The following PHF21A variants were observed in gnomAD, a reference collection of about 807,000 sequenced individuals.
The protein encoded by PHF21A is PHD finger protein 21A.
Under a neutral mutation model 82.5 loss-of-function variants are expected in PHF21A, and 11 were observed. That is an observed-to-expected ratio of 0.13 (90% confidence interval 0.08 to 0.22). The LOEUF is 0.22. Among genes scored for constraint, PHF21A ranks in the 10% least tolerant of loss-of-function variants. The probability of loss-of-function intolerance (pLI) is 1.00; values close to 1 mark genes in which losing one functional copy is unlikely to be tolerated. For missense variants in PHF21A, 579 were observed against 837.8 expected, an observed-to-expected ratio of 0.69 and a Z score of 3.81; for synonymous variants, 297 against 302.8, an observed-to-expected ratio of 0.98 and a Z score of 0.20.
intron 6 of PHF21A, among the ~76,000 whole-genome samples, chr11:45,984,512 G>A (rs145738714): frequency 1.5e-3 from 230 of 152,310 alleles, no homozygotes; most frequent in Middle Eastern, 3.4e-3. Context: ...TACTATCAAC[G>A]TGTTCACACG....
At chr11:45,953,979 G>A (rs2092406642) in intron 10 of PHF21A, among the ~76,000 whole-genome samples, 1 of 152,154 alleles carries the variant, frequency 6.6e-6, no homozygotes, top group African/African-American at 2.4e-5. Context: ...TTGCCCAGAA[G>A]CAAGCCTGCT....
At chr11:46,076,708 T>G (rs2096729878) in intron 6 of PHF21A, 46 bp downstream of exon 6, 1 of 1,490,346 alleles carries the variant, frequency 6.7e-7, no homozygotes. Flanking sequence ...AGACATATCT[T>G]TAGAACACAA....
chr11:46,007,212 G>A (rs1260184043), intron 6 of PHF21A, among the ~76,000 whole-genome samples: 1 of 152,172 alleles, frequency 6.6e-6, no homozygotes, highest in East Asian at 1.9e-4. Flanking sequence ...GGTTCTAAGA[G>A]ATGAGAAAAG....
chr11:45,987,166 A>C (rs2094518351), intron 6 of PHF21A, among the ~76,000 whole-genome samples: 1 of 152,030 alleles, frequency 6.6e-6, no homozygotes, highest in African/African-American at 2.4e-5. Flanking sequence ...AGATCCCTTA[A>C]GCCCAGCAGT....
intron 6 of PHF21A, among the ~76,000 whole-genome samples, chr11:46,036,400 T>G (rs2096004577): frequency 6.6e-6 from 1 of 152,218 alleles, no homozygotes; most frequent in African/African-American, 2.4e-5. Context: ...TTTCAAAGTT[T>G]CCTTGGCTAC....
intron 6 of PHF21A, among the ~76,000 whole-genome samples, chr11:46,016,957 A>G (rs961434922): frequency 5.6e-5 from 8 of 143,526 alleles, no homozygotes; most frequent in African/African-American, 2.2e-4. Context: ...TCTTACTAAA[A>G]ATGTTTAACC....
At chr11:46,022,741 A>G (rs2095655521) in intron 6 of PHF21A, among the ~76,000 whole-genome samples, 2 of 151,940 alleles carry the variant, frequency 1.3e-5, no homozygotes. Context: ...AGCAGTAGGG[A>G]TTACAGGCAT....
chr11:46,044,612 G>A (rs534315576), intron 6 of PHF21A, among the ~76,000 whole-genome samples: 7 of 152,196 alleles, frequency 4.6e-5, no homozygotes, highest in East Asian at 1.9e-4. Flanking sequence ...CTTCTGCAAC[G>A]GTTATCCAAA....
intron 6 of PHF21A, among the ~76,000 whole-genome samples, chr11:46,069,267 G>C (rs1164006588): frequency 2.0e-5 from 3 of 152,162 alleles, no homozygotes; most frequent in Admixed American, 2.0e-4. Flanking sequence ...GTCCTCTGAT[G>C]TACACAAGTG....
At chr11:45,948,848 G>C (rs752035023) in intron 14 of PHF21A, 38 bp downstream of exon 14, 23 of 1,516,476 alleles carry the variant, frequency 1.5e-5, no homozygotes, top group African/African-American at 2.7e-5. Flanking sequence ...CAAAGCAAAA[G>C]CAACAGCAGC....
intron 14 of PHF21A, 82 bp downstream of exon 14, chr11:45,948,804 T>C (rs1004506369): frequency 6.1e-5 from 58 of 951,772 alleles, no homozygotes; most frequent in Non-Finnish European, 9.6e-5. Context: ...GGTCCTATAA[T>C]GATGGGAGGA....
chr11:45,948,514 A>G (rs767771602), intron 14 of PHF21A, among the ~76,000 whole-genome samples: 7 of 152,236 alleles, frequency 4.6e-5, no homozygotes, highest in Non-Finnish European at 1.0e-4. Context: ...CCAAGACGCT[A>G]TTAGGAACAC....
chr11:46,065,050 TAGAGG>T (rs2096578310), intron 6 of PHF21A, among the ~76,000 whole-genome samples: 1 of 152,196 alleles, frequency 6.6e-6, no homozygotes, highest in Non-Finnish European at 1.5e-5. Context: ...TTTACATTAG[TAGAGG>T]AAAGTGTTAT....
intron 1 of PHF21A, among the ~76,000 whole-genome samples, chr11:46,095,245 A>G (rs1202658126): frequency 1.3e-5 from 2 of 152,224 alleles, no homozygotes; most frequent in Non-Finnish European, 2.9e-5. Context: ...AGCAAAAAGC[A>G]AGATCTATAC....
At chr11:46,038,128 C>CT (rs369035329) in intron 6 of PHF21A, among the ~76,000 whole-genome samples, 397 of 145,858 alleles carry the variant, frequency 2.7e-3, no homozygotes, top group Middle Eastern at 7.1e-3. Context: ...CTCTCTCTCT[C>CT]TTTTTTTTTT....
intron 7 of PHF21A, among the ~76,000 whole-genome samples, chr11:45,976,034 G>A (rs142275648): frequency 3.0e-4 from 45 of 152,010 alleles, no homozygotes; most frequent in African/African-American, 1.1e-3. Context: ...ACTTCCCTAT[G>A]ACTGTTAAAA....
chr11:45,934,470 G>C (rs1266254291), intron 18 of PHF21A: 2 of 508,040 alleles, frequency 3.9e-6, no homozygotes, highest in Non-Finnish European at 7.0e-6. Context: ...AAGAGCATGC[G>C]GGCACCAACA....
chr11:46,038,310 T>G (rs573805648), intron 6 of PHF21A, among the ~76,000 whole-genome samples: 2 of 152,128 alleles, frequency 1.3e-5, no homozygotes, highest in Non-Finnish European at 2.9e-5. Flanking sequence ...GTATTTTTAG[T>G]AGATACGGGG....
rs994422659 is a variant in PHF21A at position 45,930,793 on chromosome 11, A to G, written c.*3175T>C. 1 of 152,474 alleles carries G rather than the reference A, an allele frequency of 6.6e-6. No individual in the cohort carries two copies. The highest frequency in any genetic ancestry group is 6.5e-5 in the Admixed American group (1 of 15,300). The allele number at this position is 152,474 out of a possible 1,614,324, so 9.4% of individuals were successfully genotyped here. Reference sequence around the variant, plus strand: ...AGCTGGTCTCAAAAGTGGCTGTCAGAGCAGCTAAATTCTGGGCCGTGGGGA... The same window carrying G: ...AGCTGGTCTCAAAAGTGGCTGTCAGGGCAGCTAAATTCTGGGCCGTGGGGA... On this transcript the variant is annotated 3_prime_UTR_variant, in exon 19 of 19. Coordinates refer to ENST00000676320, the MANE Select transcript of PHF21A (RefSeq NM_001352027.3).
Sources: gnomAD v4.1 joint callset for allele counts (sites outside exome capture counted in the v4.1 genomes callset) on GRCh38, gnomAD v4.1.1 for gene constraint, MANE v1.5 for transcripts, NCBI Gene and HGNC (gene_info 2026-07-23, HGNC 2026-07-21) for gene names.